The following CHRNA5 variants were observed in gnomAD, a reference collection of about 807,000 sequenced individuals.
The protein encoded by CHRNA5 is neuronal acetylcholine receptor subunit alpha-5.
A neutral mutation model predicts 41.2 loss-of-function variants in CHRNA5; 28 were observed. That is an observed-to-expected ratio of 0.68 (90% CI 0.50 to 0.93). CHRNA5 has a LOEUF of 0.93. CHRNA5 is among the 40% of genes least tolerant of loss of function. CHRNA5 has a pLI of 0.00. For missense variants in CHRNA5, 481 were observed against 581.9 expected, an observed-to-expected ratio of 0.83 and a Z score of 1.78; for synonymous variants, 188 against 205.8, an observed-to-expected ratio of 0.91 and a Z score of 0.74.
intron 5 of CHRNA5, among the ~76,000 whole-genome samples, chr15:78,591,811 A>C (rs947479885): frequency 2.0e-5 from 3 of 152,168 alleles, no homozygotes; most frequent in Non-Finnish European, 4.4e-5. Flanking sequence ...AAAAACTTCT[A>C]ATGCTTGTGG....
chr15:78,590,608 ACAT>A (rs1474371952), exon 5 of CHRNA5: 1 of 1,612,554 alleles, frequency 6.2e-7, no homozygotes, highest in Non-Finnish European at 8.5e-7. Context: ...ATTACAAGAC[ACAT>A]CATGAAGGAA....
intron 1 of CHRNA5, among the ~76,000 whole-genome samples, chr15:78,573,776 A>G (rs1288461518): frequency 6.6e-6 from 1 of 151,328 alleles, no homozygotes; most frequent in Non-Finnish European, 1.5e-5. Flanking sequence ...GCAAAGCACT[A>G]TCAAATGTTC....
chr15:78,570,633 T>C (rs7178897), intron 1 of CHRNA5, among the ~76,000 whole-genome samples: 5,990 of 152,072 alleles, frequency 0.039, 358 homozygotes, highest in African/African-American at 0.12. Context: ...TTATAAAATA[T>C]AGCCTTTTAC....
exon 5 of CHRNA5, chr15:78,590,163 A>G: frequency 6.2e-7 from 1 of 1,614,128 alleles, no homozygotes; most frequent in Admixed American, 1.7e-5. Flanking sequence ...CTTGTTCCTT[A>G]TAATACCCTG....
intron 5 of CHRNA5, 180 bp downstream of exon 5, chr15:78,590,816 C>A: frequency 1.7e-6 from 1 of 585,970 alleles, no homozygotes; most frequent in Non-Finnish European, 2.9e-6. Context: ...TCAGTTAAAG[C>A]ACCTGCAAAA....
intron 1 of CHRNA5, among the ~76,000 whole-genome samples, chr15:78,567,123 C>G (rs999587144): frequency 8.6e-5 from 13 of 151,748 alleles, no homozygotes; most frequent in African/African-American, 2.7e-4. Flanking sequence ...CGTGGTGGTG[C>G]GCGCCTGTAG....
chr15:78,586,770 AAGAG>A, intron 3 of CHRNA5, 81 bp downstream of exon 3: 4 of 996,650 alleles, frequency 4.0e-6, no homozygotes, highest in Non-Finnish European at 6.3e-6. Context: ...GCAGAAATAC[AAGAG>A]TATGTATATT....
intron 1 of CHRNA5, among the ~76,000 whole-genome samples, chr15:78,573,256 C>T (rs190492918): frequency 1.3e-4 from 20 of 152,258 alleles, no homozygotes; most frequent in Non-Finnish European, 2.2e-4. Flanking sequence ...CCAAAATGTC[C>T]GTAGTGCCAA....
intron 1 of CHRNA5, among the ~76,000 whole-genome samples, chr15:78,569,983 C>T (rs1049613434): frequency 1.3e-5 from 2 of 151,286 alleles, no homozygotes; most frequent in African/African-American, 4.9e-5. Context: ...CCATGCCTGG[C>T]TAATTTTTGT....
chr15:78,595,257 AT>A (rs1236381913), exon 6 of CHRNA5: 1 of 980,898 alleles, frequency 1.0e-6, no homozygotes, highest in Non-Finnish European at 1.2e-6. Flanking sequence ...TTATATATAA[AT>A]TTTTATCGAC....
At chr15:78,580,887 G>T (rs2052907550) in exon 2 of CHRNA5, 3 of 1,613,344 alleles carry the variant, frequency 1.9e-6, no homozygotes. Context: ...ACGAAAGATG[G>T]GTTCGTCCTG....
chr15:78,574,380 CAAAA>C (rs61655864), intron 1 of CHRNA5, among the ~76,000 whole-genome samples: 1 of 123,276 alleles, frequency 8.1e-6, no homozygotes. Flanking sequence ...AACGCTGTCT[CAAAA>C]AAAAAAAAAA....
chr15:78,574,274 G>A lies in CHRNA5; in HGVS notation c.107-6537G>A, dbSNP rs559177651. The stretch of plus-strand genomic sequence containing the variant: ...ACATGCCTGTAGTCCCAGCTACTCA[G>A]GAGGCTGAGGCAGGAGAATTGCTTG... On this transcript the variant is annotated intron_variant, in intron 1 of 5. Transcript: ENST00000299565. Among the ~76,000 whole-genome samples the A allele has an allele frequency of 3.3e-5, 5 of 151,390 alleles. No homozygotes were observed. In the East Asian group the frequency reaches 8.0e-4, roughly 24 times the overall value.
chr15:78,572,174 G>A (rs1482993308), intron 1 of CHRNA5, among the ~76,000 whole-genome samples: 3 of 152,136 alleles, frequency 2.0e-5, no homozygotes, highest in Non-Finnish European at 4.4e-5. Flanking sequence ...AGAAGAAAAG[G>A]AAGATATTGG....
chr15:78,589,805 T>G, exon 5 of CHRNA5: 1 of 1,567,264 alleles, frequency 6.4e-7, no homozygotes, highest in South Asian at 1.2e-5. Context: ...TGTATTTTAG[T>G]GCAGATGGAC....
chr15:78,582,889 G>A (rs907950831), intron 2 of CHRNA5, among the ~76,000 whole-genome samples: 4 of 152,152 alleles, frequency 2.6e-5, no homozygotes, highest in Admixed American at 6.5e-5. Flanking sequence ...ATGCCACTTC[G>A]TCTTTACTCC....
At chr15:78,577,477 C>T (rs927697872) in intron 1 of CHRNA5, among the ~76,000 whole-genome samples, 2 of 152,112 alleles carry the variant, frequency 1.3e-5, no homozygotes, top group Admixed American at 1.3e-4. Context: ...GGATGTATTA[C>T]GAAGATATTC....
Position 78,570,424 on chromosome 15 carries a change from ATTTTTTTTTTTTTT to A in CHRNA5, c.106+4611_106+4624del, listed in dbSNP as rs71148540. ...CAGGCATGTGCCACCAATCCCGGCTATTTTTTTTTTTTTTTTTTTTTTTTTAGTAAAGACAGGGT... is the reference window on the plus strand; with the variant it reads ...CAGGCATGTGCCACCAATCCCGGCTATTTTTTTTTTTAGTAAAGACAGGGT... On this transcript the variant is annotated intron_variant, in intron 1 of 5. Transcript: ENST00000299565. Among the ~76,000 whole-genome samples, 7 of 64,184 alleles carry A rather than the reference ATTTTTTTTTTTTTT, an allele frequency of 1.1e-4. 2 individuals are homozygous for A. In the Admixed American group the frequency reaches 1.8e-3, roughly 16 times the overall value. The allele number at this position is 64,184 out of a possible 152,430, so 42.1% of individuals were successfully genotyped here.
intron 1 of CHRNA5, among the ~76,000 whole-genome samples, chr15:78,567,268 GAA>G (rs1006129582): frequency 1.3e-5 from 1 of 76,848 alleles, no homozygotes; most frequent in Non-Finnish European, 3.5e-5. Context: ...AAAAAAAAAA[GAA>G]AAGAAAAGAA....
Sources: gnomAD v4.1 joint callset for allele counts (sites outside exome capture counted in the v4.1 genomes callset) on GRCh38, gnomAD v4.1.1 for gene constraint, MANE v1.5 for transcripts, NCBI Gene and HGNC (gene_info 2026-07-23, HGNC 2026-07-21) for gene names.